Variants in RBFOX1 observed in about 807,000 individuals in gnomAD.
RBFOX1 encodes the protein RNA binding protein fox-1 homolog 1.
Under a neutral mutation model 57.7 loss-of-function variants are expected in RBFOX1, and 8 were observed. The ratio of observed to expected loss-of-function variants is 0.14; its 90% CI spans 0.08 to 0.25. The LOEUF (loss-of-function observed/expected upper bound fraction) is 0.25. Ranked by LOEUF, RBFOX1 falls within the 10% of genes least tolerant of loss-of-function variation. The pLI is 1.00. For missense variants in RBFOX1, 611 were observed against 548.5 expected (o/e 1.11, Z -1.14); for synonymous variants, 326 against 222.4 (o/e 1.47, Z -4.15).
intron 4 of RBFOX1, among the ~76,000 whole-genome samples, chr16:5,937,975 T>C (rs1300197029): frequency 6.6e-6 from 1 of 152,156 alleles, no homozygotes; most frequent in Non-Finnish European, 1.5e-5. Context: ...CTTTGCTTAT[T>C]TGAATAGTTA....
At chr16:6,413,243 C>G (rs1342161283) in intron 2 of RBFOX1, among the ~76,000 whole-genome samples, 1 of 151,044 alleles carries the variant, frequency 6.6e-6, no homozygotes, top group East Asian at 2.0e-4. Flanking sequence ...CACTTGAACC[C>G]GGAAGGCAGA....
intron 10 of RBFOX1, among the ~76,000 whole-genome samples, chr16:7,612,688 C>T (rs191252588): frequency 7.2e-5 from 11 of 152,064 alleles, no homozygotes; most frequent in South Asian, 2.1e-4. Flanking sequence ...TGTTGATTTA[C>T]GGCACCTTTA....
intron 2 of RBFOX1, among the ~76,000 whole-genome samples, chr16:6,368,302 C>T (rs1218377819): frequency 6.6e-6 from 1 of 152,188 alleles, no homozygotes; most frequent in African/African-American, 2.4e-5. Context: ...GGAAGCTCAG[C>T]CTGCCCCAAA....
chr16:6,478,085 T>A (rs2095302177), intron 2 of RBFOX1, among the ~76,000 whole-genome samples: 1 of 152,074 alleles, frequency 6.6e-6, no homozygotes, highest in Non-Finnish European at 1.5e-5. Context: ...CCACTAATAC[T>A]CCACACCAGC....
chr16:6,821,168 C>T (rs530816653), intron 3 of RBFOX1, among the ~76,000 whole-genome samples: 1 of 152,284 alleles, frequency 6.6e-6, no homozygotes, highest in South Asian at 2.1e-4. Context: ...TTCATGATCT[C>T]TTTGCTGGAA....
chr16:7,693,203 C>CCATTCA (rs1034242094), intron 14 of RBFOX1: 1 of 806,260 alleles, frequency 1.2e-6, no homozygotes, highest in African/African-American at 1.7e-5. Flanking sequence ...CTCGCAACAT[C>CCATTCA]CATTCACACG....
intron 1 of RBFOX1, among the ~76,000 whole-genome samples, chr16:6,115,104 T>C (rs1434388994): frequency 3.3e-5 from 5 of 152,066 alleles, no homozygotes; most frequent in African/African-American, 1.2e-4. Context: ...ATCATAACAC[T>C]AGTGTCTTCT....
chr16:5,604,152 G>C (rs1187395033), downstream of RBFOX1, among the ~76,000 whole-genome samples: 2 of 152,154 alleles, frequency 1.3e-5, no homozygotes, highest in Non-Finnish European at 2.9e-5. Flanking sequence ...CCTCATTCCA[G>C]AGCCATATTT....
In RBFOX1 at chr16:6,388,726, C is replaced by T. The variant is rs536836131; in HGVS notation, c.-64+71669C>T. ...CTGCCTTCTAGCTTGGATGACAGAG[C>T]GAGATGCTGTTTCAAAAACAAAAAC... On this transcript the variant is annotated intron_variant, in intron 2 of 15. Transcript: ENST00000550418. Among the ~76,000 whole-genome samples, 31 of 152,066 alleles carry T rather than the reference C, an allele frequency of 2.0e-4. No individual in the cohort carries two copies. In the South Asian group the frequency reaches 5.8e-3, roughly 29 times the overall value.
At chr16:6,854,492 C>T (rs983586155) in intron 3 of RBFOX1, among the ~76,000 whole-genome samples, 16 of 151,590 alleles carry the variant, frequency 1.1e-4, no homozygotes, top group Admixed American at 2.0e-4. Flanking sequence ...GGAAGTTTAG[C>T]GAAGTTGGGA....
At chr16:6,939,255 T>C (rs2077909392) in intron 3 of RBFOX1, among the ~76,000 whole-genome samples, 3 of 152,184 alleles carry the variant, frequency 2.0e-5, no homozygotes, top group Non-Finnish European at 2.9e-5. Flanking sequence ...ACTTCTCAAA[T>C]ATTGCAGACA....
intron 1 of RBFOX1, among the ~76,000 whole-genome samples, chr16:6,158,656 G>C (rs143116205): frequency 8.6e-4 from 131 of 152,306 alleles, no homozygotes; most frequent in African/African-American, 3.1e-3. Context: ...GCGGATGACA[G>C]AGAAAAAGTC....
At chr16:7,476,214 C>T (rs889369285) in intron 4 of RBFOX1, among the ~76,000 whole-genome samples, 1 of 151,912 alleles carries the variant, frequency 6.6e-6, no homozygotes, top group Admixed American at 6.5e-5. Context: ...CTCAAATGAT[C>T]CTCCCACCTA....
chr16:5,691,352 T>C (rs1485766069), intron 3 of RBFOX1, among the ~76,000 whole-genome samples: 1 of 152,200 alleles, frequency 6.6e-6, no homozygotes, highest in Non-Finnish European at 1.5e-5. Flanking sequence ...TGATGCAAGA[T>C]GTACTGGAGT....
At chr16:6,486,173 A>G (rs1156887750) in intron 2 of RBFOX1, among the ~76,000 whole-genome samples, 2 of 140,408 alleles carry the variant, frequency 1.4e-5, no homozygotes, top group African/African-American at 5.5e-5. Flanking sequence ...ATATTTTATG[A>G]CACTAATTGG....
At chr16:7,247,904 A>T (rs1021141296) in intron 4 of RBFOX1, among the ~76,000 whole-genome samples, 1 of 152,122 alleles carries the variant, frequency 6.6e-6, no homozygotes, top group Non-Finnish European at 1.5e-5. Context: ...GGAGGGTGGG[A>T]GTAGGGAGAG....
rs115873950 is a variant in RBFOX1, at chr16:5,824,587, G to T, written c.319-42716G>T. 7.8e-4 allele frequency among the ~76,000 whole-genome samples: 119 copies of T among 152,334 alleles called. 2 individuals carry two copies. The highest frequency in any genetic ancestry group is 2.8e-3 in the African/African-American group (116 of 41,566). ...CCCTCCTCCTGTCTGGCTGAGGTGTGGAAGGAAAATTGGATGTTGTTGAAT... is the reference window on the plus strand; with the variant it reads ...CCCTCCTCCTGTCTGGCTGAGGTGTTGAAGGAAAATTGGATGTTGTTGAAT... On this transcript the variant is annotated intron_variant, in intron 3 of 19. Transcript: ENST00000641259.
intron 2 of RBFOX1, among the ~76,000 whole-genome samples, chr16:5,480,660 G>C (rs1467530656): frequency 6.6e-6 from 1 of 152,140 alleles, no homozygotes; most frequent in African/African-American, 2.4e-5. Context: ...GTGTGCACAT[G>C]TAGCCTTGAA....
chr16:7,083,977 C>T (rs1489853218), intron 4 of RBFOX1, among the ~76,000 whole-genome samples: 24 of 152,214 alleles, frequency 1.6e-4, no homozygotes, highest in East Asian at 1.9e-4. Context: ...CTGTTTGCCC[C>T]GCTCACAGTC....
Sources: allele counts gnomAD v4.1 joint callset (sites outside exome capture counted in the v4.1 genomes callset), GRCh38; gene constraint gnomAD v4.1.1; transcripts MANE v1.5; gene names NCBI Gene and HGNC (gene_info 2026-07-23, HGNC 2026-07-21).